SLX4IP: variants seen among roughly 807,000 people sequenced by gnomAD.
The protein encoded by SLX4IP is SLX4 interacting protein, also known as protein SLX4IP.
SLX4IP carries 34 observed loss-of-function variants against 32.9 expected under a neutral mutation model. That is an observed-to-expected ratio of 1.03 (90% confidence interval 0.79 to 1.38). The LOEUF is 1.38. Among genes scored for constraint, SLX4IP ranks in the 40% most tolerant of loss-of-function variants. SLX4IP has a pLI of 0.00. For synonymous variants in SLX4IP, 172 were observed against 171.7 expected (o/e 1.00, Z -0.01); for missense variants, 444 against 479.0 (o/e 0.93, Z 0.68).
intron 3 of SLX4IP, among the ~76,000 whole-genome samples, chr20:10,558,014 G>T (rs190345050): frequency 6.6e-6 from 1 of 152,086 alleles, no homozygotes; most frequent in South Asian, 2.1e-4. Context: ...CCAAATGGTC[G>T]GTTTGCTGCT....
intron 5 of SLX4IP, among the ~76,000 whole-genome samples, chr20:10,599,780 C>A (rs2066820225): frequency 2.6e-5 from 4 of 152,022 alleles, no homozygotes; most frequent in Admixed American, 2.0e-4. Flanking sequence ...CACTTGTGCC[C>A]TTTATGGTAA....
At chr20:10,605,646 A>T (rs1040987077) in intron 6 of SLX4IP, among the ~76,000 whole-genome samples, 4 of 152,170 alleles carry the variant, frequency 2.6e-5, no homozygotes, top group Non-Finnish European at 5.9e-5. Flanking sequence ...CTACAAGTGG[A>T]CATATACATT....
At chr20:10,582,998 C>A (rs1313596850) in intron 4 of SLX4IP, among the ~76,000 whole-genome samples, 1 of 151,984 alleles carries the variant, frequency 6.6e-6, no homozygotes, top group Non-Finnish European at 1.5e-5. Context: ...ACAAATAAAT[C>A]TTTAAAAGAA....
intron 2 of SLX4IP, among the ~76,000 whole-genome samples, chr20:10,529,959 A>G (rs1312258727): frequency 6.6e-6 from 1 of 152,194 alleles, no homozygotes; most frequent in Admixed American, 6.5e-5. Flanking sequence ...TTGGGAGCAG[A>G]CCAGCAGGGT....
chr20:10,623,545 T>A lies in SLX4IP; in HGVS notation c.*166T>A. On this transcript the variant is annotated 3_prime_UTR_variant, in exon 8 of 8. Coordinates refer to ENST00000334534, the MANE Select transcript of SLX4IP (RefSeq NM_001009608.3). ...GGCTATGGTTTGTTTTCAAAGCATT[T>A]CAAACCGGGAGGCTATATGCTTGTT... 1 of 1,030,556 alleles carries A rather than the reference T, an allele frequency of 9.7e-7. No homozygotes were observed. The highest frequency in any genetic ancestry group is 1.8e-5 in the South Asian group (1 of 54,934). 63.8% of individuals were successfully genotyped at this position (1,030,556 alleles called of 1,614,324 possible). A position where few individuals can be genotyped will look rare whatever the true frequency, so the allele number is the denominator to read the frequency against.
intron 1 of SLX4IP, among the ~76,000 whole-genome samples, chr20:10,443,588 T>A (rs950072521): frequency 2.6e-5 from 4 of 152,180 alleles, no homozygotes; most frequent in Admixed American, 6.5e-5. Context: ...TGGAGCTGCA[T>A]GTTCAAGGAC....
chr20:10,463,561 T>A (rs974305478), intron 2 of SLX4IP, among the ~76,000 whole-genome samples: 3 of 152,186 alleles, frequency 2.0e-5, no homozygotes, highest in African/African-American at 7.2e-5. Flanking sequence ...GAGGGTTCCA[T>A]GAAAGATTTC....
chr20:10,449,208 T>G (rs2876202), intron 1 of SLX4IP, among the ~76,000 whole-genome samples: 74,237 of 151,786 alleles, frequency 0.49, 19,579 homozygotes, highest in Non-Finnish European at 0.6. Context: ...GCAACCGACT[T>G]TCCAGATGTG....
chr20:10,598,524 G>T (rs538887063), intron 4 of SLX4IP, 151 bp from the exon 5 acceptor site: 25 of 745,272 alleles, frequency 3.4e-5, no homozygotes, highest in Non-Finnish European at 5.5e-5. Context: ...TCGGCCTCCC[G>T]AATTGTTGGG....
At chr20:10,537,384 AGTG>A (rs1467478145) in intron 2 of SLX4IP, among the ~76,000 whole-genome samples, 5 of 152,192 alleles carry the variant, frequency 3.3e-5, no homozygotes, top group African/African-American at 1.2e-4. Flanking sequence ...CAGTCAACTA[AGTG>A]GGCTTTGTGT....
At chr20:10,608,466 C>T (rs569453592) in intron 6 of SLX4IP, among the ~76,000 whole-genome samples, 1 of 151,800 alleles carries the variant, frequency 6.6e-6, no homozygotes, top group South Asian at 2.1e-4. Context: ...GAGATCGAGA[C>T]CATCCTGGCT....
intron 2 of SLX4IP, among the ~76,000 whole-genome samples, chr20:10,474,571 C>T (rs1227475767): frequency 6.6e-6 from 1 of 151,022 alleles, no homozygotes; most frequent in African/African-American, 2.4e-5. Context: ...TTTCTTTTTT[C>T]CCCCGCTCCC....
chr20:10,473,210 G>A (rs2065440894), intron 2 of SLX4IP, among the ~76,000 whole-genome samples: 1 of 152,202 alleles, frequency 6.6e-6, no homozygotes, highest in Admixed American at 6.5e-5. Flanking sequence ...GGCCTGATAG[G>A]TGAGACTGGG....
At chr20:10,455,349 T>C (rs950455813) in intron 1 of SLX4IP, among the ~76,000 whole-genome samples, 2 of 152,150 alleles carry the variant, frequency 1.3e-5, no homozygotes, top group African/African-American at 4.8e-5. Context: ...TTTTTATAGT[T>C]TTAGCTCTTA....
At chr20:10,508,283 G>T (rs1057492777) in intron 2 of SLX4IP, among the ~76,000 whole-genome samples, 1 of 152,162 alleles carries the variant, frequency 6.6e-6, no homozygotes, top group African/African-American at 2.4e-5. Flanking sequence ...TGCCAATGCG[G>T]GCAGAGCCTA....
intron 1 of SLX4IP, among the ~76,000 whole-genome samples, chr20:10,444,124 T>C (rs1191549742): frequency 1.3e-5 from 2 of 150,948 alleles, no homozygotes; most frequent in Non-Finnish European, 3.0e-5. Context: ...AGGGGACTTA[T>C]GCTCAGATAC....
At chr20:10,466,955 C>T (rs2065385733) in intron 2 of SLX4IP, among the ~76,000 whole-genome samples, 2 of 152,066 alleles carry the variant, frequency 1.3e-5, no homozygotes, top group African/African-American at 4.8e-5. Flanking sequence ...TTTCAGTTAA[C>T]CTTAGTCTTC....
At chr20:10,549,176 C>T (rs2066193727) in intron 2 of SLX4IP, among the ~76,000 whole-genome samples, 1 of 152,210 alleles carries the variant, frequency 6.6e-6, no homozygotes, top group Admixed American at 6.5e-5. Context: ...CTCTACCCCA[C>T]CTCTTGCAGG....
chr20:10,506,063 C>T (rs1307083116), intron 2 of SLX4IP, among the ~76,000 whole-genome samples: 1 of 152,130 alleles, frequency 6.6e-6, no homozygotes, highest in African/African-American at 2.4e-5. Context: ...TTCTTGTGCA[C>T]TATTTTAACA....
Sources: gnomAD v4.1 joint callset for allele counts (sites outside exome capture counted in the v4.1 genomes callset) on GRCh38, gnomAD v4.1.1 for gene constraint, MANE v1.5 for transcripts, NCBI Gene and HGNC (gene_info 2026-07-23, HGNC 2026-07-21) for gene names.